USP24: variants seen among roughly 807,000 people sequenced by gnomAD.
USP24 encodes the protein ubiquitin carboxyl-terminal hydrolase 24.
USP24 carries 97 observed loss-of-function variants against 361.6 expected under a neutral mutation model. That is an observed-to-expected ratio of 0.27 (90% CI 0.23 to 0.32). USP24 has a LOEUF of 0.32. Among genes scored for constraint, USP24 ranks in the 10% least tolerant of loss-of-function variants. The pLI, the probability that USP24 is intolerant of heterozygous loss-of-function variation, is 1.00. For missense variants in USP24, 2,353 were observed against 3,165.6 expected (o/e 0.74, Z 6.16); for synonymous variants, 1,098 against 1,124.6 (o/e 0.98, Z 0.47).
chr1:55,102,516 T>C (rs1431064558), intron 42 of USP24, among the ~76,000 whole-genome samples: 1 of 152,194 alleles, frequency 6.6e-6, no homozygotes, highest in Non-Finnish European at 1.5e-5. Context: ...ACATATTAAG[T>C]ATCTGCATCC....
At chr1:55,153,775 AAAACATAC>A (rs1647339480) in intron 16 of USP24, 87 bp downstream of exon 16, 2 of 1,279,490 alleles carry the variant, frequency 1.6e-6, no homozygotes, top group Admixed American at 4.7e-5. Context: ...AAGAAACACT[AAAACATAC>A]TATTATTTTA....
chr1:55,110,561 C>T (rs1645919699), intron 38 of USP24, among the ~76,000 whole-genome samples: 1 of 152,144 alleles, frequency 6.6e-6, no homozygotes. Context: ...CCAGTATCTA[C>T]TAAGCACCTA....
chr1:55,210,790 T>G (rs1383993899), intron 1 of USP24, among the ~76,000 whole-genome samples: 3 of 152,116 alleles, frequency 2.0e-5, no homozygotes, highest in East Asian at 3.8e-4. Flanking sequence ...ACATCCACAT[T>G]AAAACAGGAA....
intron 12 of USP24, 134 bp downstream of exon 12, chr1:55,156,814 T>C (rs1557647651): frequency 1.7e-5 from 10 of 585,696 alleles, no homozygotes; most frequent in Non-Finnish European, 3.0e-5. Context: ...CCTGAAACTG[T>C]AAAGTGGGTT....
chr1:55,103,855 AT>A lies in USP24; in HGVS notation c.5025+20del, dbSNP rs771340505. The A allele has an allele frequency of 2.5e-6, 4 of 1,599,334 alleles. No individual in the cohort carries two copies. The highest frequency in any genetic ancestry group is 1.8e-5 in the Admixed American group (1 of 56,782). On this transcript the variant is annotated intron_variant, in intron 42 of 67. Coordinates refer to ENST00000294383, the MANE Select transcript of USP24 (RefSeq NM_015306.3). ...AGATCATTCTAAAAAAATTAAGTTCATCAACGTCTAGAAAACCTACATCAAA... is the reference window on the plus strand; with the variant it reads ...AGATCATTCTAAAAAAATTAAGTTCACAACGTCTAGAAAACCTACATCAAA...
intron 12 of USP24, 104 bp downstream of exon 12, chr1:55,156,844 A>T: frequency 2.5e-6 from 2 of 785,136 alleles, no homozygotes; most frequent in Non-Finnish European, 4.3e-6. Flanking sequence ...TGCTCTGTTT[A>T]AAGCAAGATA....
intron 56 of USP24, among the ~76,000 whole-genome samples, chr1:55,085,421 T>C (rs982326284): frequency 1.3e-5 from 2 of 152,250 alleles, no homozygotes; most frequent in Non-Finnish European, 2.9e-5. Flanking sequence ...ATAACATTTT[T>C]CAAAGTTTTC....
rs1270586624 is a variant in USP24, at chr1:55,175,753, C to T, written c.558+623G>A. Among the ~76,000 whole-genome samples, 3 of 152,168 alleles carry T rather than the reference C, an allele frequency of 2.0e-5. No individual in the cohort carries two copies. The East Asian group carries it at 5.8e-4, about 29-fold the overall frequency. On this transcript the variant is annotated intron_variant, in intron 3 of 67. Coordinates refer to ENST00000294383, the MANE Select transcript of USP24 (RefSeq NM_015306.3). The stretch of plus-strand genomic sequence containing the variant: ...CTTGCTCTAATGAGGATTCAAGGCT[C>T]ATCTGCTAAAAAGGGAGGCTGATTC...
intron 23 of USP24, among the ~76,000 whole-genome samples, chr1:55,142,437 G>A (rs952735989): frequency 5.9e-5 from 9 of 152,106 alleles, no homozygotes; most frequent in African/African-American, 1.9e-4. Flanking sequence ...AAAAGAAAAA[G>A]ATTCTATTAC....
intron 43 of USP24, 135 bp from the exon 44 acceptor site, chr1:55,101,099 G>T (rs1645623089): frequency 9.5e-7 from 1 of 1,055,498 alleles, no homozygotes. Flanking sequence ...TAATGCTGCA[G>T]ATATTTAACT....
chr1:55,186,789 T>A (rs1644144538), intron 1 of USP24, among the ~76,000 whole-genome samples: 1 of 152,152 alleles, frequency 6.6e-6, no homozygotes, highest in Non-Finnish European at 1.5e-5. Flanking sequence ...AGTTAGTATG[T>A]AATGGGTACA....
rs769442570 is a variant in USP24, at chr1:55,104,035, C to A, written c.4881-15G>T. 1.9e-6 allele frequency: 3 copies of A among 1,588,622 alleles called. No individual in the cohort carries two copies. The highest frequency in any genetic ancestry group is 2.6e-6 in the Non-Finnish European group (3 of 1,167,806). On this transcript the variant is annotated splice_polypyrimidine_tract_variant and intron_variant, in intron 41 of 67. Transcript: ENST00000294383. ...CTGTACTACACCTAGAAACAAAAGA[C>A]ACAAGTCAATTTCAACAATGAATAA...
rs572518177 is a variant in USP24 at position 55,106,240 on chromosome 1, A to G, written c.4786T>C (p.Leu1596=). ...MLGSSLIKPL[L]DDFLFRASRI... ...GAAGCTCGGAAAAGGAAGTCATCTA[A>G]CAATGGTTTAATGAGTGATGAACCT... is the stretch of plus-strand genomic sequence containing the variant. Residue 1596 remains leucine, a synonymous_variant, in exon 41 of 68, where the codon TTA becomes CTA. Transcript: ENST00000294383. 7 of 1,613,278 alleles carry G rather than the reference A, an allele frequency of 4.3e-6. No homozygotes were observed. The South Asian group carries it at 6.6e-5, about 15-fold the overall frequency.
At position 55,080,090 on chromosome 1, in the gene USP24, A is replaced by G. The variant is rs79369366; in HGVS notation, c.7079-431T>C. On this transcript the variant is annotated intron_variant, in intron 59 of 67. Coordinates refer to ENST00000294383, the MANE Select transcript of USP24 (RefSeq NM_015306.3). ...CCACTGAAGATACAGTGGAGAAGAC[A>G]CTTCTGTTCCTCAAACAACTGTTCT... is the stretch of plus-strand genomic sequence containing the variant. Among the ~76,000 whole-genome samples, 39 of 152,320 alleles carry G rather than the reference A, an allele frequency of 2.6e-4. 1 individual carries two copies. The East Asian group carries it at 6.8e-3, about 26-fold the overall frequency.
At chr1:55,099,565 A>T (rs1645579874) in intron 45 of USP24, among the ~76,000 whole-genome samples, 1 of 152,212 alleles carries the variant, frequency 6.6e-6, no homozygotes, top group Admixed American at 6.5e-5. Context: ...CTCAAAAAAA[A>T]AGAAAAGAAA....
Position 55,073,901 on chromosome 1 carries a change from T to A in USP24, c.7453A>T (p.Met2485Leu). Reference protein sequence around the residue: ...FETENGLLALMHHSNHVDSSR... With the variant: ...FETENGLLALLHHSNHVDSSR... ...CTGTCCACATGATTACTGTGGTGCA[T>A]CAAAGCTGAGGGAAGAGAAAAGGAC... Residue 2485 changes from methionine to leucine, a missense_variant, in exon 64 of 68, where the codon ATG becomes TTG. Coordinates refer to ENST00000294383, the MANE Select transcript of USP24 (RefSeq NM_015306.3). 6.4e-7 allele frequency: 1 copy of A among 1,572,720 alleles called. No homozygotes were observed. Among genetic ancestry groups the A allele is most frequent in the Admixed American group, 1.9e-5 (1 of 53,744 alleles).
chr1:55,207,254 T>C lies in USP24; in HGVS notation c.324+7536A>G, dbSNP rs1047550702. ...AAAAGCAATTAATGTTCAACCAAAA[T>C]TGACAATATAGGAGAAATGGAAAGG... is the stretch of plus-strand genomic sequence containing the variant. On this transcript the variant is annotated intron_variant, in intron 1 of 67. Transcript: ENST00000294383. Among the ~76,000 whole-genome samples the C allele has an allele frequency of 3.4e-5, 5 of 145,108 alleles. No individual in the cohort carries two copies. The East Asian group carries it at 6.0e-4, about 17-fold the overall frequency.
Position 55,081,329 on chromosome 1 carries a change from C to T in USP24, c.7071G>A (p.Arg2357=), listed in dbSNP as rs575176302. The change falls in exon 59 of 68, where the codon AGG becomes AGA. Residue 2357 remains arginine, a synonymous_variant. Coordinates refer to ENST00000294383, the MANE Select transcript of USP24 (RefSeq NM_015306.3). ...LVLHSDVSSQ[R]NVAPGIFKQR... is the part of the protein sequence containing the mutation. ...AAGATATGTTAAGCTTACCAACATT[C>T]CTTTGGGATGAGACATCTGAATGCA... 10 of 1,613,466 alleles carry T rather than the reference C, an allele frequency of 6.2e-6. No homozygotes were observed. The South Asian group carries it at 9.9e-5, about 16-fold the overall frequency.
chr1:55,076,455 G>C (rs2100406769), intron 62 of USP24, among the ~76,000 whole-genome samples: 1 of 152,270 alleles, frequency 6.6e-6, no homozygotes, highest in East Asian at 1.9e-4. Flanking sequence ...ATTATTCTGT[G>C]CCAAGGCCTC....
Sources: gnomAD v4.1 joint callset for allele counts (sites outside exome capture counted in the v4.1 genomes callset) on GRCh38, gnomAD v4.1.1 for gene constraint, MANE v1.5 for transcripts, NCBI Gene and HGNC (gene_info 2026-07-23, HGNC 2026-07-21) for gene names.